The following SNTG1 variants were observed in gnomAD, a reference collection of about 807,000 sequenced individuals.
SNTG1 encodes gamma-1-syntrophin.
Under a neutral mutation model 74.7 loss-of-function variants are expected in SNTG1, and 39 were observed. That is an observed-to-expected ratio of 0.52 (90% CI 0.40 to 0.68). The LOEUF (loss-of-function observed/expected upper bound fraction) is 0.68. Ranked by LOEUF, SNTG1 falls within the 30% of genes least tolerant of loss-of-function variation. The pLI, the probability that SNTG1 is intolerant of heterozygous loss-of-function variation, is 0.00. For missense variants in SNTG1, 685 were observed against 609.5 expected (o/e 1.12, Z -1.30); for synonymous variants, 254 against 217.1 (o/e 1.17, Z -1.49).
At chr8:50,735,805 A>G (rs1398934936) in intron 17 of SNTG1, among the ~76,000 whole-genome samples, 2 of 152,040 alleles carry the variant, frequency 1.3e-5, no homozygotes, top group African/African-American at 4.8e-5. Context: ...AGAGCACCAC[A>G]AGACACATAA....
intron 12 of SNTG1, among the ~76,000 whole-genome samples, chr8:50,572,260 A>ATT (rs3036684): frequency 0.8 from 112,132 of 140,692 alleles, 44,669 homozygotes; most frequent in East Asian, 0.91. Context: ...CACCTATTTT[A>ATT]TATATATATA....
At chr8:49,934,309 AT>A (rs1807859343) in intron 1 of SNTG1, among the ~76,000 whole-genome samples, 1 of 151,642 alleles carries the variant, frequency 6.6e-6, no homozygotes, top group Non-Finnish European at 1.5e-5. Flanking sequence ...CTATCTATCT[AT>A]CTATCTATCT....
chr8:50,653,861 A>G (rs2095163815), intron 13 of SNTG1, among the ~76,000 whole-genome samples: 1 of 152,200 alleles, frequency 6.6e-6, no homozygotes, highest in African/African-American at 2.4e-5. Context: ...ATTCATAGGT[A>G]TAAAGTTAAA....
intron 18 of SNTG1, among the ~76,000 whole-genome samples, chr8:50,780,789 T>C (rs2095656937): frequency 6.6e-6 from 1 of 152,210 alleles, no homozygotes; most frequent in Admixed American, 6.5e-5. Context: ...CTTTTAATTG[T>C]GATGTTAGGG....
intron 1 of SNTG1, among the ~76,000 whole-genome samples, chr8:50,035,739 G>A (rs1418127388): frequency 6.6e-6 from 1 of 152,176 alleles, no homozygotes. Flanking sequence ...CCATCACGAA[G>A]GACCCAGACA....
chr8:50,118,143 GT>G (rs2080885562), intron 1 of SNTG1, among the ~76,000 whole-genome samples: 1 of 152,098 alleles, frequency 6.6e-6, no homozygotes, highest in Non-Finnish European at 1.5e-5. Flanking sequence ...AATATGATTT[GT>G]TTATTAACCT....
intron 11 of SNTG1, among the ~76,000 whole-genome samples, chr8:50,540,444 G>A (rs1026308043): frequency 2.0e-5 from 3 of 152,192 alleles, no homozygotes; most frequent in Non-Finnish European, 2.9e-5. Flanking sequence ...TGTTTTATAT[G>A]TATTTATAAA....
At chr8:50,706,208 A>G (rs2095442911) in intron 16 of SNTG1, among the ~76,000 whole-genome samples, 1 of 152,150 alleles carries the variant, frequency 6.6e-6, no homozygotes, top group African/African-American at 2.4e-5. Context: ...CATGCACCTA[A>G]AAAGTCTTAA....
At chr8:50,389,990 G>T (rs914041201) in intron 2 of SNTG1, among the ~76,000 whole-genome samples, 7 of 152,236 alleles carry the variant, frequency 4.6e-5, no homozygotes, top group Non-Finnish European at 8.8e-5. Context: ...TTAGCCCTTT[G>T]TCAGATGAGT....
intron 1 of SNTG1, among the ~76,000 whole-genome samples, chr8:49,975,769 ATG>A (rs55918843): frequency 3.4e-5 from 5 of 147,056 alleles, no homozygotes; most frequent in South Asian, 2.2e-4. Context: ...ATATATATAT[ATG>A]TGTGTGTGTG....
At chr8:49,988,486 G>A (rs1425684673) in intron 1 of SNTG1, among the ~76,000 whole-genome samples, 1 of 152,078 alleles carries the variant, frequency 6.6e-6, no homozygotes, top group Non-Finnish European at 1.5e-5. Flanking sequence ...AGAATCAAAT[G>A]AAAATTTTGG....
intron 9 of SNTG1, among the ~76,000 whole-genome samples, chr8:50,503,923 G>A (rs996148166): frequency 6.6e-6 from 1 of 152,074 alleles, no homozygotes; most frequent in African/African-American, 2.4e-5. Context: ...ATGGGGGTTC[G>A]TTGTACACAA....
In SNTG1 at chr8:50,066,216, C is replaced by CA. The variant is rs981229291; in HGVS notation, c.-102-106333dup. 7.7e-3 allele frequency among the ~76,000 whole-genome samples: 1,084 copies of CA among 141,316 alleles called. 8 individuals are homozygous for CA. The highest frequency in any genetic ancestry group is 0.03 in the Middle Eastern group (8 of 270). The allele number at this position is 141,316 out of a possible 152,430, so 92.7% of individuals were successfully genotyped here. On this transcript the variant is annotated intron_variant, in intron 1 of 18. Transcript: ENST00000642720. ...GGTAACAAAAGCAAAAGCTCCATCT[C>CA]AAAAAAAAAAAATTAAGTAAACCCC...
At chr8:50,454,829 T>TAAAA (rs1158732952) in intron 8 of SNTG1, among the ~76,000 whole-genome samples, 1,039 of 95,022 alleles carry the variant, frequency 0.011, 71 homozygotes, top group East Asian at 0.061. Context: ...CAGACAGAGC[T>TAAAA]AAAAAAAAAA....
chr8:50,350,068 C>A (rs1176354751), intron 2 of SNTG1, among the ~76,000 whole-genome samples: 1 of 152,170 alleles, frequency 6.6e-6, no homozygotes, highest in Non-Finnish European at 1.5e-5. Flanking sequence ...TGGCCAGCGG[C>A]TGCAGAGGGT....
At chr8:50,664,755 C>T (rs58540522) in intron 15 of SNTG1, among the ~76,000 whole-genome samples, 6,671 of 152,052 alleles carry the variant, frequency 0.044, 390 homozygotes, top group African/African-American at 0.12. Context: ...AGAGGAAGAT[C>T]GGACGTAACT....
intron 2 of SNTG1, among the ~76,000 whole-genome samples, chr8:50,301,299 G>A (rs1459251836): frequency 1.3e-5 from 2 of 151,900 alleles, no homozygotes; most frequent in African/African-American, 4.8e-5. Flanking sequence ...GATCTTTACT[G>A]ATTTAACTTT....
At position 50,403,974 on chromosome 8, in the gene SNTG1, A is replaced by T. The variant is rs565805768; in HGVS notation, c.162+1630A>T. 3.5e-4 allele frequency among the ~76,000 whole-genome samples: 54 copies of T among 152,306 alleles called. 2 individuals carry two copies. The highest frequency in any genetic ancestry group is 6.8e-3 in the Middle Eastern group (2 of 294). ...GCAAGTCACAAACGATATATAAAGAACAAAAATTATACAGGAAGAGGCAAA... is the reference window on the plus strand; with the variant it reads ...GCAAGTCACAAACGATATATAAAGATCAAAAATTATACAGGAAGAGGCAAA... On this transcript the variant is annotated intron_variant, in intron 4 of 18. Transcript: ENST00000642720.
intron 4 of SNTG1, among the ~76,000 whole-genome samples, chr8:50,428,513 A>C (rs780854835): frequency 2.0e-4 from 31 of 152,324 alleles, no homozygotes; most frequent in Non-Finnish European, 4.3e-4. Flanking sequence ...TTCTTTGCAA[A>C]GCTAACAAGG....
Sources: allele counts gnomAD v4.1 joint callset (sites outside exome capture counted in the v4.1 genomes callset), GRCh38; gene constraint gnomAD v4.1.1; transcripts MANE v1.5; gene names NCBI Gene and HGNC (gene_info 2026-07-23, HGNC 2026-07-21).